The following MSRA variants were observed in gnomAD, a reference collection of about 807,000 sequenced individuals.
MSRA encodes the protein methionine sulfoxide reductase A, also known as mitochondrial peptide methionine sulfoxide reductase.
MSRA carries 54 observed loss-of-function variants against 31.3 expected under a neutral mutation model. That is an observed-to-expected ratio of 1.73 (90% confidence interval 1.39 to 2.17). The LOEUF is 2.17. MSRA is among the 30% of genes most tolerant of loss of function. MSRA has a pLI of 0.00. For missense variants in MSRA, 507 were observed against 300.9 expected (o/e 1.69, Z -5.07); for synonymous variants, 169 against 116.5 (o/e 1.45, Z -2.90).
intron 2 of MSRA, among the ~76,000 whole-genome samples, chr8:10,231,918 T>C (rs905579988): frequency 1.3e-5 from 2 of 151,694 alleles, no homozygotes; most frequent in African/African-American, 2.4e-5. Context: ...AAAATAAAAA[T>C]AAAAATAAAA....
rs79472651 is a variant in MSRA at position 10,146,757 on chromosome 8, G to A, written c.143-61076G>A. Among the ~76,000 whole-genome samples, 352 of 152,278 alleles carry A rather than the reference G, an allele frequency of 2.3e-3. 4 individuals carry two copies. The highest frequency in any genetic ancestry group is 0.022 in the East Asian group (114 of 5,176). Reference sequence around the variant, plus strand: ...ACTGATGAAATCACACTTTCTGGGCGTGGCGCTGGTCTGAGCCTCCTTAGG... The same window carrying A: ...ACTGATGAAATCACACTTTCTGGGCATGGCGCTGGTCTGAGCCTCCTTAGG... On this transcript the variant is annotated intron_variant, in intron 1 of 5. Transcript: ENST00000317173.
intron 1 of MSRA, among the ~76,000 whole-genome samples, chr8:10,191,191 A>G (rs1807472638): frequency 6.6e-6 from 1 of 152,206 alleles, no homozygotes; most frequent in African/African-American, 2.4e-5. Flanking sequence ...GCAAAAGGGA[A>G]AAAACATATT....
At chr8:10,066,964 CCT>C (rs1797483821) in intron 1 of MSRA, among the ~76,000 whole-genome samples, 1 of 151,976 alleles carries the variant, frequency 6.6e-6, no homozygotes, top group African/African-American at 2.4e-5. Flanking sequence ...CTGAGTTTCC[CCT>C]GTTAACGTCT....
intron 3 of MSRA, among the ~76,000 whole-genome samples, chr8:10,254,901 T>G (rs1228975147): frequency 6.6e-6 from 1 of 152,254 alleles, no homozygotes; most frequent in Non-Finnish European, 1.5e-5. Context: ...ATGGATGTGA[T>G]CTACAGAAAC....
At chr8:10,092,767 C>G (rs1446517818) in intron 1 of MSRA, among the ~76,000 whole-genome samples, 1 of 152,174 alleles carries the variant, frequency 6.6e-6, no homozygotes, top group East Asian at 1.9e-4. Flanking sequence ...GTTGTTCTCA[C>G]AGTTGTGGAA....
intron 1 of MSRA, among the ~76,000 whole-genome samples, chr8:10,075,210 C>T (rs1797942817): frequency 6.6e-6 from 1 of 152,206 alleles, no homozygotes; most frequent in Non-Finnish European, 1.5e-5. Context: ...ATCCCTCCCA[C>T]ACCTAGGCAT....
At chr8:10,194,103 A>G (rs1807762562) in intron 1 of MSRA, among the ~76,000 whole-genome samples, 1 of 152,206 alleles carries the variant, frequency 6.6e-6, no homozygotes, top group African/African-American at 2.4e-5. Flanking sequence ...AAACAGCACC[A>G]AGTTCCAGAA....
rs144947641 is a variant in MSRA at position 10,346,567 on chromosome 8, G to A, written c.543+26578G>A. On this transcript the variant is annotated intron_variant, in intron 5 of 5. Coordinates refer to ENST00000317173, the MANE Select transcript of MSRA (RefSeq NM_012331.5). ...GGGCCAGCCACTAGCCCTTGCGTTC[G>A]GCAGAGACTGAAAGGCAAGCGGAAG... Among the ~76,000 whole-genome samples the A allele has an allele frequency of 2.8e-3, 434 of 152,282 alleles. 4 individuals carry two copies. The highest frequency in any genetic ancestry group is 5.9e-3 in the African/African-American group (244 of 41,552).
chr8:10,379,919 C>G (rs1326508049), intron 5 of MSRA, among the ~76,000 whole-genome samples: 1 of 152,118 alleles, frequency 6.6e-6, no homozygotes, highest in Non-Finnish European at 1.5e-5. Flanking sequence ...AGGCCAGATG[C>G]CTAGAAGGGG....
chr8:10,415,434 C>G (rs908601283), intron 5 of MSRA, among the ~76,000 whole-genome samples: 15 of 152,186 alleles, frequency 9.9e-5, no homozygotes, highest in African/African-American at 3.6e-4. Flanking sequence ...GCTGTCTTTG[C>G]CTGGGTTCAC....
At chr8:10,113,519 G>T (rs1800453353) in intron 1 of MSRA, among the ~76,000 whole-genome samples, 1 of 151,592 alleles carries the variant, frequency 6.6e-6, no homozygotes, top group Admixed American at 6.6e-5. Flanking sequence ...GGATGTTGGG[G>T]AAGTTTTCTT....
At chr8:10,070,873 A>T (rs1797699262) in intron 1 of MSRA, among the ~76,000 whole-genome samples, 1 of 152,176 alleles carries the variant, frequency 6.6e-6, no homozygotes, top group Non-Finnish European at 1.5e-5. Flanking sequence ...CTTGGTGTGG[A>T]TGTACCACAG....
intron 5 of MSRA, among the ~76,000 whole-genome samples, chr8:10,343,044 C>CACAG (rs1803536122): frequency 1.7e-5 from 2 of 115,702 alleles, no homozygotes; most frequent in African/African-American, 6.6e-5. Flanking sequence ...CACACACACA[C>CACAG]ACACACACAG....
intron 5 of MSRA, among the ~76,000 whole-genome samples, chr8:10,354,346 C>G (rs1171400421): frequency 6.6e-6 from 1 of 152,088 alleles, no homozygotes. Context: ...TAGCACACAC[C>G]CTGAACACAC....
At chr8:10,352,432 C>T (rs1201976738) in intron 5 of MSRA, among the ~76,000 whole-genome samples, 1 of 152,060 alleles carries the variant, frequency 6.6e-6, no homozygotes, top group Non-Finnish European at 1.5e-5. Context: ...GGCAGGGCAG[C>T]AGAGTTGAAG....
chr8:10,129,061 G>A (rs958259700), intron 1 of MSRA, among the ~76,000 whole-genome samples: 3 of 152,088 alleles, frequency 2.0e-5, no homozygotes, highest in Non-Finnish European at 4.4e-5. Context: ...TCAACTCTTC[G>A]CAGTTCTATT....
intron 3 of MSRA, among the ~76,000 whole-genome samples, chr8:10,277,405 C>G (rs1563299768): frequency 6.6e-6 from 1 of 152,192 alleles, no homozygotes; most frequent in Non-Finnish European, 1.5e-5. Flanking sequence ...GTCACTCACC[C>G]TGTTTATGCC....
At chr8:10,242,195 CG>C (rs1797366484) in intron 2 of MSRA, among the ~76,000 whole-genome samples, 1 of 151,640 alleles carries the variant, frequency 6.6e-6, no homozygotes, top group Admixed American at 6.6e-5. Context: ...TGCTTGAACC[CG>C]GGAGGTGGAG....
At chr8:10,170,872 G>T (rs1332809868) in intron 1 of MSRA, among the ~76,000 whole-genome samples, 1 of 152,194 alleles carries the variant, frequency 6.6e-6, no homozygotes, top group Non-Finnish European at 1.5e-5. Flanking sequence ...TGTCTTCTGC[G>T]AATAATGATA....
Sources: allele counts gnomAD v4.1 joint callset (sites outside exome capture counted in the v4.1 genomes callset), GRCh38; gene constraint gnomAD v4.1.1; transcripts MANE v1.5; gene names NCBI Gene and HGNC (gene_info 2026-07-23, HGNC 2026-07-21).